EXT1: variants seen among roughly 807,000 people sequenced by gnomAD.
EXT1 encodes exostosin glycosyltransferase 1.
EXT1 carries 20 observed loss-of-function variants against 82.5 expected under a neutral mutation model. The ratio of observed to expected loss-of-function variants is 0.24; its 90% confidence interval spans 0.17 to 0.35. The LOEUF is 0.35. Ranked by LOEUF, EXT1 falls within the 10% of genes least tolerant of loss-of-function variation. The pLI is 1.00. For synonymous variants in EXT1, 348 were observed against 350.8 expected (o/e 0.99, Z 0.09); for missense variants, 757 against 936.5 (o/e 0.81, Z 2.50).
At chr8:117,858,642 C>T (rs183934222) in intron 1 of EXT1, among the ~76,000 whole-genome samples, 66 of 148,708 alleles carry the variant, frequency 4.4e-4, no homozygotes, top group African/African-American at 1.3e-3. Flanking sequence ...TGTGCCATTG[C>T]GCTCCAGCCT....
intron 1 of EXT1, among the ~76,000 whole-genome samples, chr8:118,087,470 T>C (rs1274918591): frequency 6.6e-6 from 1 of 152,264 alleles, no homozygotes; most frequent in Non-Finnish European, 1.5e-5. Flanking sequence ...GTTTGATGTG[T>C]ACTTTTCTGG....
At chr8:118,006,434 C>G (rs1815776296) in intron 1 of EXT1, among the ~76,000 whole-genome samples, 1 of 152,072 alleles carries the variant, frequency 6.6e-6, no homozygotes, top group African/African-American at 2.4e-5. Flanking sequence ...TGAGCTCTGC[C>G]CTTTTAGAAC....
chr8:118,096,079 C>A (rs925055667), intron 1 of EXT1, among the ~76,000 whole-genome samples: 3 of 152,162 alleles, frequency 2.0e-5, no homozygotes. Context: ...TATCAGTTAG[C>A]AGAGTTTGAA....
chr8:117,924,582 G>A (rs554167523), intron 1 of EXT1, among the ~76,000 whole-genome samples: 2 of 152,194 alleles, frequency 1.3e-5, no homozygotes, highest in Admixed American at 6.5e-5. Flanking sequence ...TTACATCATC[G>A]TGCGACTTCA....
In EXT1 at chr8:117,798,380, T is replaced by G. The variant is rs1231609853; in HGVS notation, c.*1332A>C. The G allele has an allele frequency of 3.3e-5, 5 of 152,160 alleles. No individual in the cohort carries two copies. The highest frequency in any genetic ancestry group is 7.4e-5 in the Non-Finnish European group (5 of 68,024). The allele number at this position is 152,160 out of a possible 1,614,324, so 9.4% of individuals were successfully genotyped here. On this transcript the variant is annotated 3_prime_UTR_variant, in exon 11 of 11. Transcript: ENST00000378204. ...AAGCATTTAATATCAGAAGTCTCCA[T>G]TTTTCATAACAGAGTTAGGGATATG... is the stretch of plus-strand genomic sequence containing the variant.
intron 1 of EXT1, among the ~76,000 whole-genome samples, chr8:117,878,048 G>C (rs756956497): frequency 6.6e-6 from 1 of 152,118 alleles, no homozygotes. Flanking sequence ...CGAGGTGGGC[G>C]GATCACTTGA....
intron 4 of EXT1, among the ~76,000 whole-genome samples, chr8:117,829,779 T>C (rs1367524605): frequency 6.6e-6 from 1 of 152,000 alleles, no homozygotes; most frequent in Non-Finnish European, 1.5e-5. Context: ...TTCACCATGT[T>C]GGCCAGGTCT....
chr8:117,843,386 T>C (rs1047667131), intron 1 of EXT1, among the ~76,000 whole-genome samples: 3 of 152,068 alleles, frequency 2.0e-5, no homozygotes, highest in African/African-American at 7.2e-5. Flanking sequence ...AGAGAAGCAA[T>C]GGCCACATGT....
intron 1 of EXT1, among the ~76,000 whole-genome samples, chr8:117,918,594 G>C (rs1044184757): frequency 6.6e-6 from 1 of 152,220 alleles, no homozygotes; most frequent in African/African-American, 2.4e-5. Context: ...TGGCCCATAA[G>C]TGGCCTGAAA....
chr8:118,001,410 C>T (rs1050323233), intron 1 of EXT1, among the ~76,000 whole-genome samples: 4 of 152,082 alleles, frequency 2.6e-5, no homozygotes, highest in Admixed American at 6.6e-5. Flanking sequence ...GTCTTGGACT[C>T]CTGACCTCAA....
chr8:117,888,918 G>A (rs1471457792), intron 1 of EXT1, among the ~76,000 whole-genome samples: 1 of 152,160 alleles, frequency 6.6e-6, no homozygotes, highest in African/African-American at 2.4e-5. Context: ...TGCTATTAAT[G>A]TACTCAATCT....
chr8:117,960,867 C>T (rs1032350136), intron 1 of EXT1, among the ~76,000 whole-genome samples: 8 of 152,034 alleles, frequency 5.3e-5, no homozygotes, highest in Admixed American at 5.2e-4. Context: ...ACAAGAAATC[C>T]TTTGTTTTTC....
chr8:117,882,268 A>C (rs1314173107), intron 1 of EXT1, among the ~76,000 whole-genome samples: 1 of 152,128 alleles, frequency 6.6e-6, no homozygotes, highest in Non-Finnish European at 1.5e-5. Context: ...TTTTTGGTAG[A>C]GAATGGGTTT....
chr8:118,090,624 A>G (rs956860041), intron 1 of EXT1, among the ~76,000 whole-genome samples: 40 of 151,696 alleles, frequency 2.6e-4, no homozygotes, highest in Middle Eastern at 3.4e-3. Flanking sequence ...CTAAAAATAC[A>G]AAAAATTAAC....
chr8:117,885,616 A>C (rs1261838500), intron 1 of EXT1, among the ~76,000 whole-genome samples: 1 of 152,146 alleles, frequency 6.6e-6, no homozygotes, highest in Non-Finnish European at 1.5e-5. Context: ...GAGGAGGGGA[A>C]ACTATTTCTT....
At chr8:117,910,299 A>G (rs748706152) in intron 1 of EXT1, among the ~76,000 whole-genome samples, 2 of 152,206 alleles carry the variant, frequency 1.3e-5, no homozygotes, top group Non-Finnish European at 2.9e-5. Context: ...GCCAGGAGGA[A>G]GGCAAATAAG....
intron 1 of EXT1, among the ~76,000 whole-genome samples, chr8:118,004,359 C>T (rs748427297): frequency 3.3e-5 from 5 of 152,202 alleles, no homozygotes; most frequent in Non-Finnish European, 5.9e-5. Flanking sequence ...GTTGCATCTC[C>T]AGGACCTGGC....
chr8:118,048,685 T>TA (rs1283087666), intron 1 of EXT1, among the ~76,000 whole-genome samples: 1 of 152,132 alleles, frequency 6.6e-6, no homozygotes, highest in African/African-American at 2.4e-5. Flanking sequence ...TGTATATGTG[T>TA]AAAAAACTGA....
At chr8:117,928,396 C>T (rs901762894) in intron 1 of EXT1, among the ~76,000 whole-genome samples, 4 of 152,218 alleles carry the variant, frequency 2.6e-5, no homozygotes, top group Non-Finnish European at 4.4e-5. Context: ...TGTACATATG[C>T]ACGAGCAAAT....
Sources: gnomAD v4.1 joint callset for allele counts (sites outside exome capture counted in the v4.1 genomes callset) on GRCh38, gnomAD v4.1.1 for gene constraint, MANE v1.5 for transcripts, NCBI Gene and HGNC (gene_info 2026-07-23, HGNC 2026-07-21) for gene names.